Variants in ABCA5 observed in about 807,000 individuals in gnomAD.
ABCA5 encodes the protein ATP binding cassette subfamily A member 5.
ABCA5 carries 163 observed loss-of-function variants against 206.0 expected under a neutral mutation model. The ratio of observed to expected loss-of-function variants is 0.79; its 90% CI spans 0.70 to 0.90. The LOEUF is 0.90. Ranked by LOEUF, ABCA5 falls within the 40% of genes least tolerant of loss-of-function variation. The probability of loss-of-function intolerance (pLI) is 0.00; values close to 1 mark genes in which losing one functional copy is unlikely to be tolerated. For missense variants in ABCA5, 1,859 were observed against 1,912.9 expected (o/e 0.97, Z 0.53); for synonymous variants, 609 against 613.8 (o/e 0.99, Z 0.11).
intron 24 of ABCA5, 73 bp downstream of exon 24, chr17:69,264,662 C>T: frequency 9.2e-7 from 1 of 1,090,406 alleles, no homozygotes; most frequent in Non-Finnish European, 1.2e-6. Context: ...AATAAGTCAA[C>T]TGTCATGTTT....
Position 69,255,615 on chromosome 17 carries a change from C to G in ABCA5, c.3996G>C (p.Leu1332Phe). ...TGCTTTTGCCAGCACCATTTGGACC[C>G]AATAGTCCTAAGATCTCTCCTAAAG... The part of the protein sequence containing the change: ...CVKKGEILGL[L>F]GPNGAGKSTI... The change falls in exon 31 of 39, where the codon TTG (leucine) becomes TTC (phenylalanine). Residue 1332 changes from leucine to phenylalanine, a missense_variant. By Grantham distance (22) the Leu-to-Phe change is conservative (BLOSUM62 0). Coordinates refer to ENST00000392676, the MANE Select transcript of ABCA5 (RefSeq NM_172232.4). The G allele has an allele frequency of 6.3e-7, 1 of 1,580,428 alleles. No individual in the cohort carries two copies. Among genetic ancestry groups the G allele is most frequent in the Non-Finnish European group, 8.5e-7 (1 of 1,170,882 alleles).
At chr17:69,291,871 G>T (rs1818827387) in intron 11 of ABCA5, among the ~76,000 whole-genome samples, 1 of 152,116 alleles carries the variant, frequency 6.6e-6, no homozygotes, top group African/African-American at 2.4e-5. Context: ...CCAACACTTT[G>T]GGAGGCTGAG....
In ABCA5 at chr17:69,277,800, T is replaced by C. The variant is rs2075350520; in HGVS notation, c.2435A>G (p.Asp812Gly). 1.3e-6 allele frequency: 2 copies of C among 1,579,130 alleles called. No homozygotes were observed. Among genetic ancestry groups the C allele is most frequent in the Non-Finnish European group, 8.6e-7 (1 of 1,165,974 alleles). The change falls in exon 19 of 39, where the codon GAT (aspartate) becomes GGT (glycine). Residue 812 changes from aspartate (D) to glycine (G), a missense_variant. Transcript: ENST00000392676. ...TTCCATTTCATCAAAAGATTTTGAA[T>C]CCATTTCTTCCTCCAGTGGCTGCTG... ...FTQQPLEEEMDSKSFDEMEQS... is the reference protein window; with the variant it reads ...FTQQPLEEEMGSKSFDEMEQS...
At chr17:69,315,500 G>C (rs2075807031) in intron 1 of ABCA5, 1 of 152,242 alleles carries the variant, frequency 6.6e-6, no homozygotes, top group Admixed American at 6.6e-5. Flanking sequence ...GTAGAAAATA[G>C]CTGACCGGGT....
At chr17:69,248,505 C>G (rs2074977864) in intron 37 of ABCA5, 188 bp from the exon 38 acceptor site, 1 of 443,322 alleles carries the variant, frequency 2.3e-6, no homozygotes, top group Non-Finnish European at 4.2e-6. Context: ...CTCTATAGCC[C>G]TAAGTACTGT....
chr17:69,255,430 T>A (rs760228115), intron 31 of ABCA5, 113 bp downstream of exon 31: 62 of 639,866 alleles, frequency 9.7e-5, no homozygotes, highest in Non-Finnish European at 1.4e-4. Flanking sequence ...GTACAAAAAA[T>A]TCTAAAAATA....
At chr17:69,312,446 ATAGTCATAGTTGTAG>A (rs2075779386) in intron 3 of ABCA5, among the ~76,000 whole-genome samples, 1 of 152,244 alleles carries the variant, frequency 6.6e-6, no homozygotes, top group Non-Finnish European at 1.5e-5. Context: ...GGACTTAGCC[ATAGTCATAGTTGTAG>A]TCTCCAAAGT....
Position 69,277,487 on chromosome 17 carries a change from AT to A in ABCA5, c.2594+153del, listed in dbSNP as rs1205326827. Among the ~76,000 whole-genome samples the A allele has an allele frequency of 2.6e-5, 4 of 152,258 alleles. No individual in the cohort carries two copies. The East Asian group carries it at 5.8e-4, about 22-fold the overall frequency. On this transcript the variant is annotated intron_variant, in intron 19 of 38. Coordinates refer to ENST00000392676, the MANE Select transcript of ABCA5 (RefSeq NM_172232.4). ...CAGGGTATTCGATGAAATTATTGTA[AT>A]TTTTTTCTCTAACATTGTGAAATTA...
At chr17:69,262,835 T>G (rs911847715) in intron 24 of ABCA5, among the ~76,000 whole-genome samples, 1 of 152,176 alleles carries the variant, frequency 6.6e-6, no homozygotes, top group Non-Finnish European at 1.5e-5. Context: ...GAAGTTTACA[T>G]TCCCACCAAG....
intron 38 of ABCA5, 132 bp downstream of exon 38, chr17:69,248,130 C>T: frequency 3.8e-6 from 2 of 523,272 alleles, no homozygotes; most frequent in Non-Finnish European, 6.8e-6. Context: ...AAAATTATAC[C>T]AAGTTTAAGA....
chr17:69,295,400 C>G (rs932248785), intron 10 of ABCA5, among the ~76,000 whole-genome samples: 2 of 152,032 alleles, frequency 1.3e-5, no homozygotes, highest in African/African-American at 4.8e-5. Context: ...AAGCAAGAAC[C>G]CTGAGACATT....
chr17:69,267,771 TAATA>T (rs1247188447), intron 23 of ABCA5, among the ~76,000 whole-genome samples, 168 bp downstream of exon 23: 4 of 152,096 alleles, frequency 2.6e-5, no homozygotes, highest in African/African-American at 4.8e-5. Context: ...AAGTCTCAAA[TAATA>T]AATATTAATT....
At chr17:69,255,921 C>T (rs2144900237) in intron 29 of ABCA5, 71 bp from the exon 30 acceptor site, 1 of 1,274,138 alleles carries the variant, frequency 7.8e-7, no homozygotes, top group Admixed American at 2.6e-5. Context: ...GCACATACCT[C>T]ATATCCATAT....
chr17:69,290,181 CAAT>C (rs2075510366), intron 12 of ABCA5, 144 bp from the exon 13 acceptor site: 2 of 517,864 alleles, frequency 3.9e-6, no homozygotes, highest in Admixed American at 3.7e-5. Context: ...ACACACCCTT[CAAT>C]ATTATTGGTG....
intron 9 of ABCA5, among the ~76,000 whole-genome samples, chr17:69,300,259 G>T (rs1014766020): frequency 6.6e-6 from 1 of 152,078 alleles, no homozygotes; most frequent in Non-Finnish European, 1.5e-5. Flanking sequence ...TTCGCAATAG[G>T]GTTCATACTC....
At position 69,297,375 on chromosome 17, in the gene ABCA5, T is replaced by A; in HGVS notation, c.1268-16A>T. On this transcript the variant is annotated splice_polypyrimidine_tract_variant and intron_variant, in intron 9 of 38. Coordinates refer to ENST00000392676, the MANE Select transcript of ABCA5 (RefSeq NM_172232.4). ...CCAAATTCCCCTGAAAAATAAACAT[T>A]AAAAAACTGAGTTACCATAATTAGT... is the stretch of plus-strand genomic sequence containing the variant. 1 of 1,575,506 alleles carries A rather than the reference T, an allele frequency of 6.3e-7. No individual in the cohort carries two copies. Among genetic ancestry groups the A allele is most frequent in the Non-Finnish European group, 8.6e-7 (1 of 1,167,988 alleles).
At chr17:69,318,853 T>C (rs1414692100) in intron 1 of ABCA5, 3 of 704,962 alleles carry the variant, frequency 4.3e-6, no homozygotes, top group South Asian at 1.4e-5. Flanking sequence ...TTATGAATCT[T>C]GTGATAGATT....
chr17:69,321,000 T>C (rs879420206), intron 1 of ABCA5, among the ~76,000 whole-genome samples: 4 of 151,694 alleles, frequency 2.6e-5, no homozygotes, highest in Non-Finnish European at 2.9e-5. Context: ...AGAAACAAGA[T>C]AGAATAAAAA....
At chr17:69,249,259 C>T (rs2074985587) in intron 37 of ABCA5, 1 of 152,110 alleles carries the variant, frequency 6.6e-6, no homozygotes, top group Non-Finnish European at 1.5e-5. Flanking sequence ...TAGGTTGTTT[C>T]ACAGTTTATA....
Sources: allele counts gnomAD v4.1 joint callset (sites outside exome capture counted in the v4.1 genomes callset), GRCh38; gene constraint gnomAD v4.1.1; transcripts MANE v1.5; gene names NCBI Gene and HGNC (gene_info 2026-07-23, HGNC 2026-07-21).